Variants in KCNH1 observed in about 807,000 individuals in gnomAD.
KCNH1 encodes voltage-gated delayed rectifier potassium channel KCNH1.
In KCNH1, 27 loss-of-function variants were observed where a neutral mutation model predicts 69.2. That is an observed-to-expected ratio of 0.39 (90% CI 0.29 to 0.54). The LOEUF is 0.54. Ranked by LOEUF, KCNH1 falls within the 20% of genes least tolerant of loss-of-function variation. KCNH1 has a pLI of 0.68. For missense variants in KCNH1, 798 were observed against 1,261.6 expected, an observed-to-expected ratio of 0.63 and a Z score of 5.57; for synonymous variants, 456 against 487.7, an observed-to-expected ratio of 0.93 and a Z score of 0.86.
At chr1:210,797,397 T>A in intron 9 of KCNH1, 111 bp downstream of exon 9, 1 of 1,172,960 alleles carries the variant, frequency 8.5e-7, no homozygotes, top group Non-Finnish European at 1.2e-6. Flanking sequence ...TATTAGCAAT[T>A]GGCCCTGCCC....
At chr1:210,917,231 GAAAGAAAGAAAGAA>G (rs1228710177) in intron 7 of KCNH1, among the ~76,000 whole-genome samples, 9 of 83,938 alleles carry the variant, frequency 1.1e-4, no homozygotes, top group East Asian at 4.9e-4. Flanking sequence ...GAGAGAGAGA[GAAAGAAAGAAAGAA>G]AGAAAGAAAG....
At chr1:210,730,526 C>T (rs1682719110) in intron 10 of KCNH1, among the ~76,000 whole-genome samples, 1 of 151,664 alleles carries the variant, frequency 6.6e-6, no homozygotes, top group South Asian at 2.1e-4. Context: ...TGACCCCCTA[C>T]AATTTTGAGT....
chr1:210,736,716 G>C (rs896092734), intron 10 of KCNH1, among the ~76,000 whole-genome samples: 2 of 152,144 alleles, frequency 1.3e-5, no homozygotes, highest in Non-Finnish European at 2.9e-5. Flanking sequence ...TAAATAACCA[G>C]GTTCCAGGAA....
chr1:210,848,531 T>C (rs1254738314), intron 7 of KCNH1, among the ~76,000 whole-genome samples: 1 of 152,220 alleles, frequency 6.6e-6, no homozygotes, highest in East Asian at 1.9e-4. Context: ...ACTGGCCTTC[T>C]ATGATAAGCC....
chr1:211,056,423 C>G (rs1266353452), intron 5 of KCNH1, among the ~76,000 whole-genome samples: 1 of 152,104 alleles, frequency 6.6e-6, no homozygotes, highest in African/African-American at 2.4e-5. Flanking sequence ...GGCCCTGGCT[C>G]CTGGACAGTA....
chr1:210,762,169 C>A (rs987523046), intron 10 of KCNH1, among the ~76,000 whole-genome samples: 3 of 151,988 alleles, frequency 2.0e-5, no homozygotes, highest in African/African-American at 7.2e-5. Flanking sequence ...AAAAAAAATT[C>A]TTCGAAACAA....
chr1:210,996,580 A>G (rs1399577722), intron 6 of KCNH1, among the ~76,000 whole-genome samples: 3 of 152,204 alleles, frequency 2.0e-5, no homozygotes, highest in African/African-American at 7.2e-5. Flanking sequence ...AAACAAAAAG[A>G]CAGCAGTAAC....
At chr1:210,812,533 A>G (rs1684727859) in intron 7 of KCNH1, among the ~76,000 whole-genome samples, 1 of 152,250 alleles carries the variant, frequency 6.6e-6, no homozygotes, top group African/African-American at 2.4e-5. Flanking sequence ...AAAAAAGAAA[A>G]AAACTCCTGT....
chr1:211,012,257 C>T (rs1689407950), intron 6 of KCNH1, among the ~76,000 whole-genome samples: 1 of 152,170 alleles, frequency 6.6e-6, no homozygotes. Context: ...TACCCAGGTG[C>T]TACCACAGGC....
intron 6 of KCNH1, among the ~76,000 whole-genome samples, chr1:210,979,390 G>A (rs1418466610): frequency 6.6e-6 from 1 of 152,172 alleles, no homozygotes; most frequent in Non-Finnish European, 1.5e-5. Flanking sequence ...CAGCTTTATA[G>A]TTGCTTTTTT....
At chr1:211,095,076 C>A (rs1440704070) in intron 3 of KCNH1, among the ~76,000 whole-genome samples, 9 of 152,292 alleles carry the variant, frequency 5.9e-5, no homozygotes, top group Non-Finnish European at 1.5e-5. Context: ...AAGTAGCCTA[C>A]AAGGGTCTCT....
At chr1:211,045,577 T>C (rs982504435) in intron 5 of KCNH1, among the ~76,000 whole-genome samples, 6 of 152,296 alleles carry the variant, frequency 3.9e-5, no homozygotes, top group Non-Finnish European at 8.8e-5. Flanking sequence ...GTATACAACT[T>C]GAGGAATTTG....
chr1:210,723,067 T>A (rs895807240), intron 10 of KCNH1, among the ~76,000 whole-genome samples: 5 of 151,994 alleles, frequency 3.3e-5, no homozygotes, highest in African/African-American at 1.2e-4. Context: ...GGAAAATTAA[T>A]CAGTAAAGAG....
chr1:210,768,911 C>A (rs1238037301), intron 10 of KCNH1, among the ~76,000 whole-genome samples: 1 of 152,214 alleles, frequency 6.6e-6, no homozygotes, highest in Non-Finnish European at 1.5e-5. Context: ...ACATCACTCA[C>A]TGATCCTCTT....
Position 210,683,162 on chromosome 1 carries a change from T to C in KCNH1, c.*119A>G. 9.6e-7 allele frequency: 1 copy of C among 1,039,060 alleles called. No individual in the cohort carries two copies. The highest frequency in any genetic ancestry group is 1.4e-6 in the Non-Finnish European group (1 of 712,820). 64.4% of individuals were successfully genotyped at this position (1,039,060 alleles called of 1,614,324 possible). On this transcript the variant is annotated 3_prime_UTR_variant, in exon 11 of 11. Transcript: ENST00000271751. This position sits in a 1 kb window ranked among gnomAD's most constrained non-coding sequence, Gnocchi z 5.7. The stretch of plus-strand genomic sequence containing the variant: ...AGCACGTCTAAGCCACTGGCCCCAC[T>C]TTTTCTGTTAGGAAAAGCCTACTTG...
chr1:210,738,552 C>CTTTTTTTTTTTTT lies in KCNH1; in HGVS notation c.2112+36783_2112+36795dup, dbSNP rs57669878. Among the ~76,000 whole-genome samples, 5 of 49,150 alleles carry CTTTTTTTTTTTTT rather than the reference C, an allele frequency of 1.0e-4. 1 individual carries two copies. The highest frequency in any genetic ancestry group is 1.3e-4 in the African/African-American group (2 of 14,884). The allele number at this position is 49,150 out of a possible 152,430, so 32.2% of individuals were successfully genotyped here. A position where few individuals can be genotyped will look rare whatever the true frequency, so the allele number is the denominator to read the frequency against. ...CTGTATTCCTGGCTTGGCTTTTTTG[C>CTTTTTTTTTTTTT]TTTTTTTTTTTTTTTTTTTTTTTTT... is the stretch of plus-strand genomic sequence containing the variant. On this transcript the variant is annotated intron_variant, in intron 10 of 10. Coordinates refer to ENST00000271751, the MANE Select transcript of KCNH1 (RefSeq NM_172362.3).
intron 7 of KCNH1, among the ~76,000 whole-genome samples, chr1:210,832,921 TAC>T (rs1553349192): frequency 6.9e-6 from 1 of 144,228 alleles, no homozygotes; most frequent in Non-Finnish European, 1.5e-5. Context: ...TATATATATA[TAC>T]ATATAAATTG....
chr1:210,840,899 A>T (rs1485274126), intron 7 of KCNH1, among the ~76,000 whole-genome samples: 1 of 152,186 alleles, frequency 6.6e-6, no homozygotes, highest in Admixed American at 6.6e-5. Context: ...TGGTGATCAG[A>T]CTTCACTAAC....
intron 4 of KCNH1, among the ~76,000 whole-genome samples, chr1:211,086,849 T>C (rs1690960869): frequency 6.6e-6 from 1 of 152,170 alleles, no homozygotes. Flanking sequence ...TCAGAGGAGC[T>C]GATAGCATAA....
Sources: allele counts gnomAD v4.1 joint callset (sites outside exome capture counted in the v4.1 genomes callset), GRCh38; gene constraint gnomAD v4.1.1; non-coding constraint Gnocchi (gnomAD v3.1); transcripts MANE v1.5; gene names NCBI Gene and HGNC (gene_info 2026-07-23, HGNC 2026-07-21).